The following KCTD1 variants were observed in gnomAD, a reference collection of about 807,000 sequenced individuals.
KCTD1 encodes BTB/POZ domain-containing protein KCTD1.
KCTD1 carries 24 observed loss-of-function variants against 66.0 expected under a neutral mutation model. The observed-to-expected ratio is 0.36, with a 90% CI of 0.26 to 0.51. The LOEUF (loss-of-function observed/expected upper bound fraction) is 0.51, where lower values mean the gene tolerates loss of function less well. Ranked by LOEUF, KCTD1 falls within the 20% of genes least tolerant of loss-of-function variation. The probability of loss-of-function intolerance (pLI) is 0.95; values close to 1 mark genes in which losing one functional copy is unlikely to be tolerated. For missense variants in KCTD1, 943 were observed against 1,205.2 expected (o/e 0.78, Z 3.22); for synonymous variants, 511 against 517.2 (o/e 0.99, Z 0.16).
upstream of KCTD1, chr18:26,549,748 A>G (rs1388277749): frequency 1.0e-6 from 1 of 985,232 alleles, no homozygotes; most frequent in Non-Finnish European, 1.2e-6. Context: ...GCCAACCGCC[A>G]TTCGTTCGCC....
intron 1 of KCTD1, among the ~76,000 whole-genome samples, chr18:26,504,847 C>G (rs147013549): frequency 6.6e-6 from 1 of 152,182 alleles, no homozygotes; most frequent in Non-Finnish European, 1.5e-5. Context: ...CTGGAGCTGA[C>G]ACTTTCTCAA....
intron 1 of KCTD1, among the ~76,000 whole-genome samples, chr18:26,538,376 A>G (rs2144801313): frequency 6.6e-6 from 1 of 152,238 alleles, no homozygotes; most frequent in African/African-American, 2.4e-5. Flanking sequence ...CTTAAGGTAA[A>G]GCATCCACAC....
intron 2 of KCTD1, among the ~76,000 whole-genome samples, chr18:26,488,647 C>G (rs2144642538): frequency 6.6e-6 from 1 of 152,284 alleles, no homozygotes; most frequent in South Asian, 2.1e-4. Flanking sequence ...GCAAGGTTTG[C>G]CACTGTTTGA....
intron 1 of KCTD1, among the ~76,000 whole-genome samples, chr18:26,582,984 C>A (rs1986389453): frequency 6.6e-6 from 1 of 151,552 alleles, no homozygotes; most frequent in African/African-American, 2.4e-5. Flanking sequence ...ATAGAAAAAT[C>A]TGAAAGAATA....
intron 3 of KCTD1, among the ~76,000 whole-genome samples, chr18:26,471,940 T>C (rs1981087391): frequency 6.6e-6 from 1 of 152,082 alleles, no homozygotes; most frequent in Non-Finnish European, 1.5e-5. Context: ...GGGTAGTGGA[T>C]TGATTCGCGA....
intron 2 of KCTD1, among the ~76,000 whole-genome samples, chr18:26,489,116 C>G (rs1241321211): frequency 6.6e-6 from 1 of 152,202 alleles, no homozygotes; most frequent in African/African-American, 2.4e-5. Flanking sequence ...TCTGCACCAA[C>G]GCAGCTGGCT....
chr18:26,587,530 A>G (rs926640942), intron 1 of KCTD1, among the ~76,000 whole-genome samples: 2 of 152,232 alleles, frequency 1.3e-5, no homozygotes, highest in African/African-American at 4.8e-5. Flanking sequence ...CCATTTCATA[A>G]CGTGATAACA....
chr18:26,477,997 G>A (rs1347790242), intron 2 of KCTD1, among the ~76,000 whole-genome samples: 1 of 152,140 alleles, frequency 6.6e-6, no homozygotes, highest in African/African-American at 2.4e-5. Flanking sequence ...ATGCCACCTA[G>A]TCATTCATTT....
At chr18:26,597,943 C>T (rs542726463) in intron 1 of KCTD1, among the ~76,000 whole-genome samples, 39 of 152,280 alleles carry the variant, frequency 2.6e-4, no homozygotes, top group South Asian at 1.5e-3. Flanking sequence ...CGTGAGCCAC[C>T]GCACCTGGCC....
intron 1 of KCTD1, among the ~76,000 whole-genome samples, chr18:26,533,927 C>A (rs919485169): frequency 4.6e-5 from 7 of 150,818 alleles, no homozygotes; most frequent in African/African-American, 1.7e-4. Flanking sequence ...GGTTCTAGTT[C>A]CATATTCTAG....
At chr18:26,599,651 A>G in intron 1 of KCTD1, 1 of 1,473,632 alleles carries the variant, frequency 6.8e-7, no homozygotes, top group South Asian at 1.1e-5. Flanking sequence ...TTTGGCTGAA[A>G]TCACCCAGAT....
At chr18:26,590,177 G>A (rs1986566050) in intron 1 of KCTD1, among the ~76,000 whole-genome samples, 1 of 152,024 alleles carries the variant, frequency 6.6e-6, no homozygotes, top group Non-Finnish European at 1.5e-5. Context: ...TCTGCCTCCT[G>A]GGTTCAAGCA....
chr18:26,610,076 T>A (rs1286004165), intron 1 of KCTD1, among the ~76,000 whole-genome samples: 1 of 152,234 alleles, frequency 6.6e-6, no homozygotes, highest in Admixed American at 6.5e-5. Context: ...TATCTCATGA[T>A]GTTATGAGAA....
chr18:26,520,562 A>T (rs1983863081), intron 1 of KCTD1, among the ~76,000 whole-genome samples: 1 of 150,516 alleles, frequency 6.6e-6, no homozygotes, highest in Admixed American at 6.6e-5. Context: ...AATTGACCTT[A>T]ATTCACACAT....
At chr18:26,521,703 G>C (rs1212086563) in intron 1 of KCTD1, among the ~76,000 whole-genome samples, 1 of 152,184 alleles carries the variant, frequency 6.6e-6, no homozygotes, top group East Asian at 1.9e-4. Flanking sequence ...AAGCAGAAAG[G>C]TCAGCACAAA....
chr18:26,520,629 C>T (rs751343066), intron 1 of KCTD1, among the ~76,000 whole-genome samples: 10 of 152,142 alleles, frequency 6.6e-5, no homozygotes, highest in Non-Finnish European at 1.2e-4. Flanking sequence ...TTAGAACTCC[C>T]TAAAACCCCC....
chr18:26,577,965 A>G (rs1986263970), intron 1 of KCTD1, among the ~76,000 whole-genome samples: 1 of 152,092 alleles, frequency 6.6e-6, no homozygotes, highest in South Asian at 2.1e-4. Context: ...GAAGAAGTCA[A>G]TGAAGATGAT....
chr18:26,583,991 G>A (rs1986416797), intron 1 of KCTD1, among the ~76,000 whole-genome samples: 1 of 152,178 alleles, frequency 6.6e-6, no homozygotes, highest in African/African-American at 2.4e-5. Context: ...GTTAACATCA[G>A]TCCACAGATC....
chr18:26,599,694 A>G (rs1241932794), intron 1 of KCTD1: 11 of 1,500,634 alleles, frequency 7.3e-6, no homozygotes, highest in Admixed American at 1.7e-5. Context: ...TTTCTGAAAG[A>G]GCCAGTAGAG....
Sources: gnomAD v4.1 joint callset for allele counts (sites outside exome capture counted in the v4.1 genomes callset) on GRCh38, gnomAD v4.1.1 for gene constraint, MANE v1.5 for transcripts, NCBI Gene and HGNC (gene_info 2026-07-23, HGNC 2026-07-21) for gene names.